Variants in LMOD1 observed in about 807,000 individuals in gnomAD.
LMOD1 encodes the protein leiomodin 1.
LMOD1 carries 8 observed loss-of-function variants against 36.5 expected under a neutral mutation model. That is an observed-to-expected ratio of 0.22 (90% CI 0.13 to 0.40). LMOD1 has a LOEUF of 0.40. LMOD1 is among the 10% of genes least tolerant of loss of function. The pLI is 1.00. For synonymous variants in LMOD1, 284 were observed against 288.7 expected (o/e 0.98, Z 0.17); for missense variants, 630 against 751.1 (o/e 0.84, Z 1.88).
At chr1:201,937,076 A>G (rs1682032040) in intron 1 of LMOD1, among the ~76,000 whole-genome samples, 1 of 152,230 alleles carries the variant, frequency 6.6e-6, no homozygotes, top group Non-Finnish European at 1.5e-5. Flanking sequence ...GATATATGTC[A>G]TATGTTACAT....
At chr1:201,918,628 C>T (rs530067658) in intron 1 of LMOD1, among the ~76,000 whole-genome samples, 5 of 152,288 alleles carry the variant, frequency 3.3e-5, no homozygotes, top group Admixed American at 6.5e-5. Context: ...CACAGGATGT[C>T]CTCTCGCTTT....
At chr1:201,924,713 GAAAGAA>G (rs368891332) in intron 1 of LMOD1, among the ~76,000 whole-genome samples, 3,825 of 91,894 alleles carry the variant, frequency 0.042, 136 homozygotes, top group East Asian at 0.12. Context: ...AAGAAAGAAA[GAAAGAA>G]AGAAAGAAAG....
intron 1 of LMOD1, among the ~76,000 whole-genome samples, chr1:201,916,161 A>G (rs1332279904): frequency 6.6e-6 from 1 of 151,722 alleles, no homozygotes; most frequent in Non-Finnish European, 1.5e-5. Context: ...CAAGCGATCC[A>G]CACACCTTGG....
At chr1:201,937,802 G>A (rs750170424) in intron 1 of LMOD1, among the ~76,000 whole-genome samples, 6 of 152,250 alleles carry the variant, frequency 3.9e-5, no homozygotes, top group Non-Finnish European at 7.4e-5. Context: ...TAACCTCTAT[G>A]AGGGCAAGAA....
chr1:201,907,408 T>TA (rs1484613671), intron 1 of LMOD1, among the ~76,000 whole-genome samples: 1 of 152,198 alleles, frequency 6.6e-6, no homozygotes, highest in African/African-American at 2.4e-5. Context: ...GAGAAGTGAT[T>TA]AAGCCTCGAG....
Position 201,900,520 on chromosome 1 carries a change from C to T in LMOD1, c.493G>A (p.Ala165Thr). 1 of 1,613,914 alleles carries T rather than the reference C, an allele frequency of 6.2e-7. No homozygotes were observed. Among genetic ancestry groups the T allele is most frequent in the Middle Eastern group, 1.6e-4 (1 of 6,062 alleles). Residue 165 changes from alanine to threonine, a missense_variant, in exon 2 of 3, where the codon GCT becomes ACT. Ala to Thr is a moderately conservative substitution (Grantham distance 58). Around this residue, in one of 3 missense-constraint regions of LMOD1, gnomAD observed 405 missense variants for 400.6 expected, o/e 1.01. Coordinates refer to ENST00000367288, the MANE Select transcript of LMOD1 (RefSeq NM_012134.3). ...CCTGCCTCCTTCTTATCCACTGCAG[C>T]CCTGACCCGGCCCTTGTCAATGCCC... ...IRGIDKGRVR[A>T]AVDKKEAGKD...
rs554556955 is a variant in LMOD1, at chr1:201,902,217, A to T, written c.262-1466T>A. 3.9e-5 allele frequency among the ~76,000 whole-genome samples: 6 copies of T among 152,146 alleles called. No homozygotes were observed. The East Asian group carries it at 7.8e-4, about 20-fold the overall frequency. On this transcript the variant is annotated intron_variant, in intron 1 of 2. Coordinates refer to ENST00000367288, the MANE Select transcript of LMOD1 (RefSeq NM_012134.3). ...TAACAGCAAATATGTGTATTTTTTT[A>T]AATTCACAGTATTGTCCTTATTTTT...
chr1:201,909,197 C>T (rs1681454051), intron 1 of LMOD1, among the ~76,000 whole-genome samples: 1 of 151,650 alleles, frequency 6.6e-6, no homozygotes, highest in Non-Finnish European at 1.5e-5. Context: ...CTCTCGGTGG[C>T]TTCTCACTGC....
At chr1:201,938,368 A>G (rs930464730) in intron 1 of LMOD1, among the ~76,000 whole-genome samples, 1 of 152,116 alleles carries the variant, frequency 6.6e-6, no homozygotes, top group Non-Finnish European at 1.5e-5. Context: ...ACCTCAGGTG[A>G]TCTGCCCGCC....
At chr1:201,907,747 G>T (rs886563789) in intron 1 of LMOD1, among the ~76,000 whole-genome samples, 1 of 152,060 alleles carries the variant, frequency 6.6e-6, no homozygotes, top group African/African-American at 2.4e-5. Flanking sequence ...ACACTTGTTG[G>T]GCCCTGTGGG....
intron 1 of LMOD1, among the ~76,000 whole-genome samples, chr1:201,935,276 G>C (rs529544135): frequency 1.3e-5 from 2 of 152,064 alleles, no homozygotes; most frequent in Non-Finnish European, 2.9e-5. Flanking sequence ...GGGAAGAGTC[G>C]GGGTGATCCG....
chr1:201,901,647 T>TGC (rs1681323921), intron 1 of LMOD1, among the ~76,000 whole-genome samples: 1 of 68,116 alleles, frequency 1.5e-5, no homozygotes, highest in Non-Finnish European at 2.5e-5. Context: ...TATATATATA[T>TGC]ACATATATAT....
chr1:201,946,401 G>C lies in LMOD1; in HGVS notation c.-61C>G. On this transcript the variant is annotated 5_prime_UTR_variant, in exon 1 of 3. Transcript: ENST00000367288. ...AGAGTCCTGGTGGGCAGGGAAGGGA[G>C]AGGGGTGAGCTGATCTGGATGCAGC... 7 of 1,568,262 alleles carry C rather than the reference G, an allele frequency of 4.5e-6. No homozygotes were observed. The highest frequency in any genetic ancestry group is 5.2e-6 in the Non-Finnish European group (6 of 1,150,576).
At chr1:201,943,261 C>T (rs1682150537) in intron 1 of LMOD1, among the ~76,000 whole-genome samples, 1 of 152,186 alleles carries the variant, frequency 6.6e-6, no homozygotes, top group African/African-American at 2.4e-5. Flanking sequence ...AACTAATTAG[C>T]TGTGTGACTT....
chr1:201,913,360 C>A (rs540839566), intron 1 of LMOD1, among the ~76,000 whole-genome samples: 4 of 152,282 alleles, frequency 2.6e-5, no homozygotes, highest in East Asian at 1.9e-4. Context: ...AATCCCGGCA[C>A]TTTGGGAGGC....
In LMOD1 at chr1:201,910,744, CTTTT is replaced by C. The variant is rs58506647; in HGVS notation, c.262-9997_262-9994del. Among the ~76,000 whole-genome samples, 453 of 48,988 alleles carry C rather than the reference CTTTT, an allele frequency of 9.2e-3. 1 individual carries two copies. The highest frequency in any genetic ancestry group is 0.037 in the African/African-American group (424 of 11,438). 32.1% of individuals were successfully genotyped at this position (48,988 alleles called of 152,430 possible). The stretch of plus-strand genomic sequence containing the variant: ...TTCCCCTTTTGCAGATGGTGTCATT[CTTTT>C]TTTTTTTTTTTTTTTTTTTTTTTTG... On this transcript the variant is annotated intron_variant, in intron 1 of 2. Coordinates refer to ENST00000367288, the MANE Select transcript of LMOD1 (RefSeq NM_012134.3).
chr1:201,946,399 GA>G lies in LMOD1; in HGVS notation c.-60del. 1.9e-6 allele frequency: 3 copies of G among 1,568,056 alleles called. No homozygotes were observed. Among genetic ancestry groups the G allele is most frequent in the African/African-American group, 2.7e-5 (2 of 74,274 alleles). Reference sequence around the variant, plus strand: ...TCAGAGTCCTGGTGGGCAGGGAAGGGAGAGGGGTGAGCTGATCTGGATGCAG... The same window carrying G: ...TCAGAGTCCTGGTGGGCAGGGAAGGGGAGGGGTGAGCTGATCTGGATGCAG... On this transcript the variant is annotated 5_prime_UTR_variant, in exon 1 of 3. Coordinates refer to ENST00000367288, the MANE Select transcript of LMOD1 (RefSeq NM_012134.3).
intron 1 of LMOD1, among the ~76,000 whole-genome samples, chr1:201,927,523 G>A (rs991004990): frequency 1.3e-5 from 2 of 150,704 alleles, no homozygotes; most frequent in Admixed American, 6.6e-5. Flanking sequence ...CCAAGATCAC[G>A]CCACTGCACT....
intron 1 of LMOD1, among the ~76,000 whole-genome samples, chr1:201,924,236 A>C (rs1681759862): frequency 6.7e-6 from 1 of 150,180 alleles, no homozygotes; most frequent in Admixed American, 6.6e-5. Context: ...AGGCAGGAGA[A>C]TGGCGTGAAC....
Sources: gnomAD v4.1 joint callset for allele counts (sites outside exome capture counted in the v4.1 genomes callset) on GRCh38, gnomAD v4.1.1 for gene constraint, gnomAD v4.1.1 regional missense constraint, MANE v1.5 for transcripts, NCBI Gene and HGNC (gene_info 2026-07-23, HGNC 2026-07-21) for gene names.